Variants in RIMS4 observed in about 807,000 individuals in gnomAD.
The protein encoded by RIMS4 is regulating synaptic membrane exocytosis 4.
In RIMS4, 9 loss-of-function variants were observed where a neutral mutation model predicts 29.0. That is an observed-to-expected ratio of 0.31 (90% CI 0.19 to 0.54). RIMS4 has a LOEUF of 0.54. Ranked by LOEUF, RIMS4 falls within the 20% of genes least tolerant of loss-of-function variation. RIMS4 has a pLI of 0.94. For synonymous variants in RIMS4, 130 were observed against 152.9 expected (o/e 0.85, Z 1.10); for missense variants, 193 against 365.7 (o/e 0.53, Z 3.85).
chr20:44,798,624 C>T (rs919923444), intron 1 of RIMS4, among the ~76,000 whole-genome samples: 8 of 152,220 alleles, frequency 5.3e-5, no homozygotes, highest in Non-Finnish European at 8.8e-5. Context: ...CTCACAGCTG[C>T]CCCATCTTTG....
At chr20:44,802,634 A>C (rs2066281992) in intron 1 of RIMS4, among the ~76,000 whole-genome samples, 1 of 152,204 alleles carries the variant, frequency 6.6e-6, no homozygotes, top group African/African-American at 2.4e-5. Context: ...TGCGTTATGC[A>C]TGTAAAGGCA....
chr20:44,774,726 T>C (rs2066152219), intron 1 of RIMS4, among the ~76,000 whole-genome samples: 1 of 152,144 alleles, frequency 6.6e-6, no homozygotes, highest in South Asian at 2.1e-4. Context: ...TCCTGACCTT[T>C]CACCCTGCCT....
chr20:44,803,615 G>A (rs371932005), intron 1 of RIMS4, among the ~76,000 whole-genome samples: 2 of 151,946 alleles, frequency 1.3e-5, no homozygotes, highest in South Asian at 2.1e-4. Context: ...AGAATAAGGC[G>A]CTGACATCAG....
intron 1 of RIMS4, among the ~76,000 whole-genome samples, chr20:44,780,404 C>T (rs1346511508): frequency 6.6e-6 from 1 of 152,204 alleles, no homozygotes; most frequent in Non-Finnish European, 1.5e-5. Context: ...AGAGGTGGGG[C>T]TCACAAGGGA....
chr20:44,788,635 A>G (rs1040462266), intron 1 of RIMS4, among the ~76,000 whole-genome samples: 6 of 152,108 alleles, frequency 3.9e-5, no homozygotes, highest in African/African-American at 1.4e-4. Context: ...TAGCCAGTCA[A>G]GGCGGCTTGT....
chr20:44,775,517 T>G (rs2066156215), intron 1 of RIMS4, among the ~76,000 whole-genome samples: 1 of 152,188 alleles, frequency 6.6e-6, no homozygotes, highest in Non-Finnish European at 1.5e-5. Context: ...AATGGGAGGA[T>G]GAACCCTCAC....
At chr20:44,785,185 A>G (rs985454560) in intron 1 of RIMS4, among the ~76,000 whole-genome samples, 3 of 151,998 alleles carry the variant, frequency 2.0e-5, no homozygotes, top group Admixed American at 1.3e-4. Context: ...TATGTTGCAT[A>G]AAGTTTGGGA....
intron 1 of RIMS4, among the ~76,000 whole-genome samples, chr20:44,790,588 G>A (rs1200773600): frequency 1.3e-5 from 2 of 152,234 alleles, no homozygotes; most frequent in African/African-American, 2.4e-5. Context: ...CAATGCTAGT[G>A]TCTCACTCAA....
chr20:44,796,950 T>C (rs1427226780), intron 1 of RIMS4, among the ~76,000 whole-genome samples: 4 of 152,236 alleles, frequency 2.6e-5, no homozygotes, highest in Admixed American at 2.0e-4. Context: ...AGCAATGCTG[T>C]CATTCCTCAT....
chr20:44,758,860 T>C (rs757961094), intron 2 of RIMS4, among the ~76,000 whole-genome samples: 22 of 152,222 alleles, frequency 1.4e-4, no homozygotes, highest in Admixed American at 3.9e-4. Flanking sequence ...TCTGGTGCTA[T>C]GTAGCTACCA....
At chr20:44,802,864 G>A (rs2066282983) in intron 1 of RIMS4, among the ~76,000 whole-genome samples, 1 of 152,108 alleles carries the variant, frequency 6.6e-6, no homozygotes, top group Non-Finnish European at 1.5e-5. Context: ...AGCCACACTG[G>A]TCTGCTTTCT....
intron 1 of RIMS4, among the ~76,000 whole-genome samples, chr20:44,799,238 G>C (rs555000259): frequency 3.3e-5 from 5 of 152,284 alleles, no homozygotes; most frequent in Admixed American, 3.3e-4. Context: ...AGGAGGCAGA[G>C]GTTACAGTGA....
intron 1 of RIMS4, among the ~76,000 whole-genome samples, chr20:44,807,799 C>A (rs1428882014): frequency 6.6e-6 from 1 of 152,084 alleles, no homozygotes; most frequent in Admixed American, 6.5e-5. Context: ...CATTATTTTT[C>A]CGGAAATGAA....
Position 44,780,847 on chromosome 20 carries a change from G to A in RIMS4, c.98-9434C>T, listed in dbSNP as rs549014689. Among the ~76,000 whole-genome samples, 42 of 152,318 alleles carry A rather than the reference G, an allele frequency of 2.8e-4. 1 individual carries two copies. The highest frequency in any genetic ancestry group is 3.3e-4 in the Admixed American group (5 of 15,296). Reference sequence around the variant, plus strand: ...GGAGAGATCATAAAGACACAGAGATGAAGTGAGTGAAAGCAAGAGGGGCAA... The same window carrying A: ...GGAGAGATCATAAAGACACAGAGATAAAGTGAGTGAAAGCAAGAGGGGCAA... On this transcript the variant is annotated intron_variant, in intron 1 of 5. Coordinates refer to ENST00000372851, the MANE Select transcript of RIMS4 (RefSeq NM_182970.4).
At position 44,757,559 on chromosome 20, in the gene RIMS4, A is replaced by G. The variant is rs2066066028; in HGVS notation, c.451+111T>C. ...CCACATAAGACATCAGAGTTGGGAC[A>G]GGGGGTCCCCACAGTTGGGCCCAAT... is the stretch of plus-strand genomic sequence containing the variant. On this transcript the variant is annotated intron_variant, in intron 4 of 5. Transcript: ENST00000372851. The G allele has an allele frequency of 5.0e-6, 4 of 802,124 alleles. No individual in the cohort carries two copies. The East Asian group carries it at 9.8e-5, about 20-fold the overall frequency. The allele number at this position is 802,124 out of a possible 1,614,324, so 49.7% of individuals were successfully genotyped here. A position where few individuals can be genotyped will look rare whatever the true frequency, so the allele number is the denominator to read the frequency against.
intron 4 of RIMS4, 122 bp from the exon 5 acceptor site, chr20:44,757,159 G>T: frequency 8.9e-7 from 1 of 1,128,076 alleles, no homozygotes; most frequent in Non-Finnish European, 1.3e-6. Flanking sequence ...GGGGTCTGGG[G>T]AGGACGCACC....
At chr20:44,806,080 G>A (rs1028383999) in intron 1 of RIMS4, among the ~76,000 whole-genome samples, 3 of 152,194 alleles carry the variant, frequency 2.0e-5, no homozygotes, top group African/African-American at 7.2e-5. Flanking sequence ...GGCCCAAACC[G>A]CTAGGAGAGG....
At chr20:44,770,092 T>C (rs7266008) in intron 2 of RIMS4, among the ~76,000 whole-genome samples, 8,027 of 152,240 alleles carry the variant, frequency 0.053, 689 homozygotes, top group African/African-American at 0.18. Flanking sequence ...TCTGGACAGT[T>C]GTGGAATTTA....
At chr20:44,766,022 T>C (rs1417356273) in intron 2 of RIMS4, among the ~76,000 whole-genome samples, 1 of 152,146 alleles carries the variant, frequency 6.6e-6, no homozygotes, top group East Asian at 1.9e-4. Context: ...TTGAACTCAG[T>C]GTCTAGTGGG....
Sources: gnomAD v4.1 joint callset for allele counts (sites outside exome capture counted in the v4.1 genomes callset) on GRCh38, gnomAD v4.1.1 for gene constraint, MANE v1.5 for transcripts, NCBI Gene and HGNC (gene_info 2026-07-23, HGNC 2026-07-21) for gene names.